DNAJC6: variants seen among roughly 807,000 people sequenced by gnomAD.
DNAJC6 encodes auxilin.
Under a neutral mutation model 110.0 loss-of-function variants are expected in DNAJC6, and 34 were observed. That is an observed-to-expected ratio of 0.31 (90% CI 0.24 to 0.41). The LOEUF (loss-of-function observed/expected upper bound fraction) is 0.41. Among genes scored for constraint, DNAJC6 ranks in the 10% least tolerant of loss-of-function variants. The probability of loss-of-function intolerance (pLI) is 1.00; values close to 1 mark genes in which losing one functional copy is unlikely to be tolerated. For synonymous variants in DNAJC6, 406 were observed against 437.2 expected (o/e 0.93, Z 0.89); for missense variants, 1,031 against 1,207.8 (o/e 0.85, Z 2.17).
rs368290134 is a variant in DNAJC6 at position 65,385,744 on chromosome 1, A to G, written c.833A>G (p.Asp278Gly). The G allele has an allele frequency of 8.1e-6, 13 of 1,612,598 alleles. 1 individual carries two copies. In the African/African-American group the frequency reaches 1.2e-4, roughly 15 times the overall value. The change falls in exon 7 of 19, where the codon GAC (aspartate) becomes GGC (glycine). Residue 278 changes from aspartate (D) to glycine (G), a missense_variant. Coordinates refer to ENST00000371069, the MANE Select transcript of DNAJC6 (RefSeq NM_001256864.2). ...GGCTATATGTGTGACCTACTGGCAG[A>G]CAAGCCCTACCGCCCTCACTTCAAG... Reference protein sequence around the residue: ...YLGYMCDLLADKPYRPHFKPL... With the variant: ...YLGYMCDLLAGKPYRPHFKPL...
intron 1 of DNAJC6, among the ~76,000 whole-genome samples, chr1:65,349,318 A>G (rs775340710): frequency 6.6e-6 from 1 of 151,826 alleles, no homozygotes; most frequent in Non-Finnish European, 1.5e-5. Flanking sequence ...ACCACAATAC[A>G]ATGTTGTTAT....
intron 1 of DNAJC6, among the ~76,000 whole-genome samples, chr1:65,338,015 T>C (rs1425970437): frequency 6.6e-6 from 1 of 152,192 alleles, no homozygotes; most frequent in Admixed American, 6.5e-5. Flanking sequence ...GCTCATCTTG[T>C]ATGTTTTCTG....
chr1:65,273,126 A>AT (rs992131818), intron 1 of DNAJC6, among the ~76,000 whole-genome samples: 4 of 151,936 alleles, frequency 2.6e-5, no homozygotes, highest in Admixed American at 6.6e-5. Context: ...TTACTGGTTA[A>AT]TTTTTTGTAT....
At chr1:65,350,135 C>A (rs928032528) in intron 1 of DNAJC6, among the ~76,000 whole-genome samples, 1 of 152,112 alleles carries the variant, frequency 6.6e-6, no homozygotes, top group African/African-American at 2.4e-5. Flanking sequence ...CCATTTTCTT[C>A]CTGCGTCCCT....
At chr1:65,325,865 A>G (rs768270958) in intron 1 of DNAJC6, among the ~76,000 whole-genome samples, 12 of 152,240 alleles carry the variant, frequency 7.9e-5, no homozygotes, top group Non-Finnish European at 1.3e-4. Flanking sequence ...ATAGCATGTT[A>G]CTGTACTGAA....
Position 65,401,779 on chromosome 1 carries a change from G to A in DNAJC6, c.2126G>A (p.Ser709Asn). 1.2e-6 allele frequency: 2 copies of A among 1,612,988 alleles called. No homozygotes were observed. Among genetic ancestry groups the A allele is most frequent in the Non-Finnish European group, 1.7e-6 (2 of 1,179,752 alleles). Residue 709 changes from serine to asparagine, a missense_variant, in exon 15 of 19, where the codon AGC (serine) becomes AAC (asparagine). By Grantham distance (46) the Ser-to-Asn change is conservative. Coordinates refer to ENST00000371069, the MANE Select transcript of DNAJC6 (RefSeq NM_001256864.2). The part of the protein sequence containing the change: ...HAKPGGFGMG[S>N]KSAATSPTGS... ...TTTTCAGGAGGCTTTGGAATGGGAA[G>A]CAAGTCAGCTGCCACCAGCCCAACC...
intron 1 of DNAJC6, among the ~76,000 whole-genome samples, chr1:65,323,081 A>G (rs1645211328): frequency 6.6e-6 from 1 of 152,238 alleles, no homozygotes; most frequent in Non-Finnish European, 1.5e-5. Context: ...TGGGGAAAGC[A>G]TTGGAGTTGG....
intron 1 of DNAJC6, among the ~76,000 whole-genome samples, chr1:65,301,901 G>A (rs893667678): frequency 6.6e-6 from 1 of 151,582 alleles, no homozygotes; most frequent in Non-Finnish European, 1.5e-5. Context: ...GACACCCTCT[G>A]GGATGAGGGT....
intron 1 of DNAJC6, among the ~76,000 whole-genome samples, chr1:65,276,653 T>G (rs1653684430): frequency 6.6e-6 from 1 of 152,128 alleles, no homozygotes; most frequent in African/African-American, 2.4e-5. Context: ...TGCTGAAAAC[T>G]CTACTCAGCA....
At chr1:65,389,655 A>G (rs771595238) in intron 11 of DNAJC6, 28 bp downstream of exon 11, 12 of 1,605,630 alleles carry the variant, frequency 7.5e-6, no homozygotes, top group Non-Finnish European at 9.4e-6. Flanking sequence ...TTTAAGTCAC[A>G]TGGTTTGATG....
chr1:65,409,590 TTGAC>T (rs1646109455), intron 17 of DNAJC6, among the ~76,000 whole-genome samples: 1 of 152,160 alleles, frequency 6.6e-6, no homozygotes, highest in South Asian at 2.1e-4. Context: ...TTAAACCAGA[TTGAC>T]TGAAGCCCCC....
At chr1:65,368,239 A>AT (rs1645668030) in intron 4 of DNAJC6, among the ~76,000 whole-genome samples, 1 of 152,176 alleles carries the variant, frequency 6.6e-6, no homozygotes, top group African/African-American at 2.4e-5. Context: ...AGAAAGGCTT[A>AT]TATAGGTCAG....
At chr1:65,320,845 G>A (rs1645191405) in intron 1 of DNAJC6, among the ~76,000 whole-genome samples, 1 of 152,166 alleles carries the variant, frequency 6.6e-6, no homozygotes, top group Non-Finnish European at 1.5e-5. Flanking sequence ...GTCAGGAAAG[G>A]CCCTTCTGAG....
chr1:65,355,329 A>T (rs1235174361), intron 1 of DNAJC6, among the ~76,000 whole-genome samples: 1 of 151,952 alleles, frequency 6.6e-6, no homozygotes, highest in Non-Finnish European at 1.5e-5. Flanking sequence ...ATTGCAGTAC[A>T]AAGAGAGTTG....
exon 1 of DNAJC6, chr1:65,264,753 C>A: frequency 6.9e-7 from 1 of 1,451,680 alleles, no homozygotes; most frequent in Non-Finnish European, 9.1e-7. Context: ...AATTATAACC[C>A]CGCACACCGA....
chr1:65,300,299 C>G (rs1029848751), intron 1 of DNAJC6, among the ~76,000 whole-genome samples: 1 of 152,138 alleles, frequency 6.6e-6, no homozygotes, highest in Non-Finnish European at 1.5e-5. Flanking sequence ...TCAAGGTTAA[C>G]TCATGGTCCA....
At chr1:65,302,207 ATAT>A (rs1386869165) in intron 1 of DNAJC6, among the ~76,000 whole-genome samples, 1 of 142,714 alleles carries the variant, frequency 7.0e-6, no homozygotes, top group Non-Finnish European at 1.5e-5. Context: ...ATACATTAAT[ATAT>A]TATATCAATA....
chr1:65,390,807 C>A (rs1169471418), intron 11 of DNAJC6, among the ~76,000 whole-genome samples: 1 of 152,202 alleles, frequency 6.6e-6, no homozygotes, highest in African/African-American at 2.4e-5. Context: ...AGAAATGGAA[C>A]TAGCAAATCC....
At chr1:65,302,250 TATA>T (rs1269589613) in intron 1 of DNAJC6, among the ~76,000 whole-genome samples, 6 of 21,030 alleles carry the variant, frequency 2.9e-4, no homozygotes, top group South Asian at 3.0e-3. Flanking sequence ...TATATTAATA[TATA>T]ATATTATATA....
Sources: gnomAD v4.1 joint callset for allele counts (sites outside exome capture counted in the v4.1 genomes callset) on GRCh38, gnomAD v4.1.1 for gene constraint, MANE v1.5 for transcripts, NCBI Gene and HGNC (gene_info 2026-07-23, HGNC 2026-07-21) for gene names.